The following PROC variants were observed in gnomAD, a reference collection of about 807,000 sequenced individuals.
The protein encoded by PROC is vitamin K-dependent protein C.
PROC carries 22 observed loss-of-function variants against 36.3 expected under a neutral mutation model. That is an observed-to-expected ratio of 0.61 (90% confidence interval 0.43 to 0.86). The LOEUF is 0.86. Among genes scored for constraint, PROC ranks in the 40% least tolerant of loss-of-function variants. PROC has a pLI of 0.00. For synonymous variants in PROC, 218 were observed against 244.5 expected (o/e 0.89, Z 1.01); for missense variants, 526 against 629.7 (o/e 0.84, Z 1.76).
Position 127,428,626 on chromosome 2 carries a change from C to T in PROC, c.1066C>T (p.Arg356Cys), listed in dbSNP as rs776173921. The part of the protein sequence containing the change: ...SSREKEAKRN[R>C]TFVLNFIKIP... ...CCGAGAGAAGGAGGCCAAGAGAAAC[C>T]GCACCTTCGTCCTCAACTTCATCAA... The change falls in exon 9 of 9, where the codon CGC becomes TGC. Residue 356 changes from arginine (R) to cysteine (C), a missense_variant. By Grantham distance (180) the Arg-to-Cys change is radical. Coordinates refer to ENST00000234071, the MANE Select transcript of PROC (RefSeq NM_000312.4). 6.2e-6 allele frequency: 10 copies of T among 1,614,080 alleles called. No individual in the cohort carries two copies. The highest frequency in any genetic ancestry group is 2.7e-5 in the African/African-American group (2 of 75,072).
At chr2:127,419,449 A>C (rs1421339089) in intron 1 of PROC, among the ~76,000 whole-genome samples, 7 of 152,210 alleles carry the variant, frequency 4.6e-5, no homozygotes, top group African/African-American at 1.7e-4. Flanking sequence ...ACAAATGAGG[A>C]AACTGAGGCA....
rs763243575 is a variant in PROC at position 127,421,261 on chromosome 2, C to A, written c.71-22C>A. 3 of 1,613,146 alleles carry A rather than the reference C, an allele frequency of 1.9e-6. No individual in the cohort carries two copies. The East Asian group carries it at 6.7e-5, about 36-fold the overall frequency. On this transcript the variant is annotated intron_variant, in intron 2 of 8. Coordinates refer to ENST00000234071, the MANE Select transcript of PROC (RefSeq NM_000312.4). The stretch of plus-strand genomic sequence containing the variant: ...TCTTAGGCCCCTCCACCAAGGTGAG[C>A]TCCCCCTCCCTCCAAAACCAGACTC...
chr2:127,420,235 C>A (rs535478316), intron 2 of PROC, among the ~76,000 whole-genome samples: 74 of 152,300 alleles, frequency 4.9e-4, no homozygotes, highest in Admixed American at 9.8e-4. Context: ...GGGAGCCCCG[C>A]GATGACCTCC....
Position 127,427,130 on chromosome 2 carries a change from A to T in PROC, c.704A>T (p.Lys235Met), listed in dbSNP as rs754559546. ...GTGGTCCTGCTGGACTCAAAGAAGA[A>T]GCTGGCCTGCGGGGCAGTGCTCATC... ...WQVVLLDSKK[K>M]LACGAVLIHP... The change falls in exon 8 of 9, where the codon AAG becomes ATG. Residue 235 changes from lysine (K) to methionine (M), a missense_variant. Coordinates refer to ENST00000234071, the MANE Select transcript of PROC (RefSeq NM_000312.4). 3 of 1,613,812 alleles carry T rather than the reference A, an allele frequency of 1.9e-6. No homozygotes were observed. The African/African-American group carries it at 4.0e-5, about 22-fold the overall frequency.
At chr2:127,424,102 T>C (rs942364681) in intron 6 of PROC, among the ~76,000 whole-genome samples, 1 of 152,180 alleles carries the variant, frequency 6.6e-6, no homozygotes, top group East Asian at 1.9e-4. Flanking sequence ...ATTTTCTCTT[T>C]CTGGACCTCC....
At chr2:127,420,186 G>A (rs1157102229) in intron 2 of PROC, among the ~76,000 whole-genome samples, 174 bp downstream of exon 2, 1 of 152,214 alleles carries the variant, frequency 6.6e-6, no homozygotes, top group Non-Finnish European at 1.5e-5. Context: ...CTGCCAGAGT[G>A]CCACACAGGG....
At chr2:127,419,606 T>G in intron 1 of PROC, 1 of 436,766 alleles carries the variant, frequency 2.3e-6, no homozygotes, top group Non-Finnish European at 4.3e-6. Context: ...CAACGTTAGC[T>G]AATATTCTCA....
Position 127,426,472 on chromosome 2 carries a change from C to T in PROC, c.678+245C>T. 1.8e-6 allele frequency: 1 copy of T among 563,452 alleles called. No individual in the cohort carries two copies. The highest frequency in any genetic ancestry group is 2.0e-5 in the South Asian group (1 of 49,484). 34.9% of individuals were successfully genotyped at this position (563,452 alleles called of 1,614,324 possible). ...TCTGCAGGAGGGAGGGTTACAGTTTCTAAAAAGAGCTGGAAAGACACTGCT... is the reference window on the plus strand; with the variant it reads ...TCTGCAGGAGGGAGGGTTACAGTTTTTAAAAAGAGCTGGAAAGACACTGCT... On this transcript the variant is annotated intron_variant, in intron 7 of 8. Transcript: ENST00000234071. The surrounding 1 kb of genome is among the most constrained non-coding windows in gnomAD (Gnocchi z 7.0).
rs1573462611 is a variant in PROC, at chr2:127,429,185, T to C, written c.*239T>C. 1.8e-6 allele frequency: 1 copy of C among 558,422 alleles called. No homozygotes were observed. The highest frequency in any genetic ancestry group is 1.9e-5 in the African/African-American group (1 of 53,046). 34.6% of individuals were successfully genotyped at this position (558,422 alleles called of 1,614,324 possible). A position where few individuals can be genotyped will look rare whatever the true frequency, so the allele number is the denominator to read the frequency against. ...ATCCAAGTTTTGCGGGGTCTAAAGC[T>C]GTGTGTGTTGAGGGGGATACTCTGT... On this transcript the variant is annotated 3_prime_UTR_variant, in exon 9 of 9. Coordinates refer to ENST00000234071, the MANE Select transcript of PROC (RefSeq NM_000312.4).
Position 127,423,356 on chromosome 2 carries a change from C to G in PROC, c.483C>G (p.Ser161Arg), listed in dbSNP as rs1433503391. The G allele has an allele frequency of 1.3e-6, 2 of 1,550,286 alleles. No individual in the cohort carries two copies. Among genetic ancestry groups the G allele is most frequent in the Non-Finnish European group, 1.7e-6 (2 of 1,147,202 alleles). Residue 161 changes from serine to arginine, a missense_variant, in exon 6 of 9, where the codon AGC (serine) becomes AGG (arginine). Transcript: ENST00000234071. ...AGGAGGTGGGCTGGCGGCGCTGTAG[C>G]TGTGCGCCTGGCTACAAGCTGGGGG... ...CLEEVGWRRC[S>R]CAPGYKLGDD... is the part of the protein sequence containing the mutation.
chr2:127,428,841 G>GCTC lies in PROC; in HGVS notation c.1284_1286dup (p.Leu429dup). The stretch of plus-strand genomic sequence containing the variant: ...TGGTGAGCTGGGGTGAGGGCTGTGG[G>GCTC]CTCCTTCACAACTACGGCGTTTACA... On this transcript the variant is annotated inframe_insertion, in exon 9 of 9. Transcript: ENST00000234071. The GCTC allele has an allele frequency of 6.2e-7, 1 of 1,612,802 alleles. No homozygotes were observed. Among genetic ancestry groups the GCTC allele is most frequent in the Non-Finnish European group, 8.5e-7 (1 of 1,179,296 alleles).
At position 127,418,542 on chromosome 2, in the gene PROC, C is replaced by A. The variant is rs780659135; in HGVS notation, c.-22+50C>A. The A allele has an allele frequency of 2.0e-5, 25 of 1,279,908 alleles. No individual in the cohort carries two copies. Among genetic ancestry groups the A allele is most frequent in the Middle Eastern group, 2.1e-4 (1 of 4,692 alleles). The allele number at this position is 1,279,908 out of a possible 1,614,324, so 79.3% of individuals were successfully genotyped here. ...ATGAGGGGTGTGGAGGGAGGGCTGCCCCCGGGAGAAGAGAGCTAGGTGGTG... is the reference window on the plus strand; with the variant it reads ...ATGAGGGGTGTGGAGGGAGGGCTGCACCCGGGAGAAGAGAGCTAGGTGGTG... On this transcript the variant is annotated intron_variant, in intron 1 of 8. Coordinates refer to ENST00000234071, the MANE Select transcript of PROC (RefSeq NM_000312.4). This position sits in a 1 kb window ranked among gnomAD's most constrained non-coding sequence, Gnocchi z 4.8.
At chr2:127,427,417 TAGGG>T (rs2104976643) in intron 8 of PROC, among the ~76,000 whole-genome samples, 195 bp downstream of exon 8, 1 of 133,814 alleles carries the variant, frequency 7.5e-6, no homozygotes, top group African/African-American at 2.8e-5. Context: ...TATTTTGCAG[TAGGG>T]GGTTCTCTGG....
rs2069911 is a variant in PROC, at chr2:127,420,471, G to A, written c.70+459G>A. ...GAGGCCATGATTCTTGGGGAGGTCCGCAGGACACATGGGCCCCTAAAGCCA... is the reference window on the plus strand; with the variant it reads ...GAGGCCATGATTCTTGGGGAGGTCCACAGGACACATGGGCCCCTAAAGCCA... On this transcript the variant is annotated intron_variant, in intron 2 of 8. Transcript: ENST00000234071. 7.9e-3 allele frequency among the ~76,000 whole-genome samples: 1,195 copies of A among 152,208 alleles called. 27 individuals carry two copies. Among genetic ancestry groups the A allele is most frequent in the African/African-American group, 0.027 (1,138 of 41,520 alleles).
In PROC at chr2:127,418,462, C is replaced by A; in HGVS notation, c.-52C>A. The A allele has an allele frequency of 7.8e-7, 1 of 1,289,782 alleles. No individual in the cohort carries two copies. Among genetic ancestry groups the A allele is most frequent in the Non-Finnish European group, 1.0e-6 (1 of 988,862 alleles). The allele number at this position is 1,289,782 out of a possible 1,614,324, so 79.9% of individuals were successfully genotyped here. On this transcript the variant is annotated 5_prime_UTR_variant, in exon 1 of 9. Transcript: ENST00000234071. This position sits in a 1 kb window ranked among gnomAD's most constrained non-coding sequence, Gnocchi z 4.8. ...CCAGGCTGTCATGGCGGCAGGACGG[C>A]GAACTTGCAGTATCTCCACGACCCG...
intron 3 of PROC, among the ~76,000 whole-genome samples, chr2:127,422,008 C>T (rs1288356967): frequency 2.6e-5 from 4 of 152,182 alleles, no homozygotes; most frequent in South Asian, 4.1e-4. Flanking sequence ...AGCTTGGTAA[C>T]GGGGCTGGCT....
chr2:127,422,728 G>A (rs1688177481), intron 3 of PROC, among the ~76,000 whole-genome samples, 189 bp from the exon 4 acceptor site: 1 of 151,874 alleles, frequency 6.6e-6, no homozygotes, highest in Admixed American at 6.6e-5. Flanking sequence ...GCGCGGGCGG[G>A]TGGCGCTGGA....
At chr2:127,422,751 G>A (rs1185827682) in intron 3 of PROC, among the ~76,000 whole-genome samples, 166 bp from the exon 4 acceptor site, 1 of 152,016 alleles carries the variant, frequency 6.6e-6, no homozygotes, top group Non-Finnish European at 1.5e-5. Flanking sequence ...GCGGGGGAGG[G>A]GCAGGGAGCA....
chr2:127,421,862 T>C (rs1688114360), intron 3 of PROC, among the ~76,000 whole-genome samples: 1 of 152,212 alleles, frequency 6.6e-6, no homozygotes, highest in Non-Finnish European at 1.5e-5. Flanking sequence ...AATCGCTCAC[T>C]CTGTGCCTCA....
Sources: gnomAD v4.1 joint callset for allele counts (sites outside exome capture counted in the v4.1 genomes callset) on GRCh38, gnomAD v4.1.1 for gene constraint, Gnocchi (gnomAD v3.1) non-coding constraint, MANE v1.5 for transcripts, NCBI Gene and HGNC (gene_info 2026-07-23, HGNC 2026-07-21) for gene names.